Variants in RIMS1 observed in about 807,000 individuals in gnomAD.
The protein encoded by RIMS1 is regulating synaptic membrane exocytosis protein 1.
In RIMS1, 83 loss-of-function variants were observed where a neutral mutation model predicts 214.1. That is an observed-to-expected ratio of 0.39 (90% CI 0.32 to 0.47). The LOEUF is 0.47. Ranked by LOEUF, RIMS1 falls within the 20% of genes least tolerant of loss-of-function variation. The probability of loss-of-function intolerance (pLI) is 0.99; values close to 1 mark genes in which losing one functional copy is unlikely to be tolerated. For synonymous variants in RIMS1, 793 were observed against 786.8 expected (o/e 1.01, Z -0.13); for missense variants, 2,050 against 2,161.8 (o/e 0.95, Z 1.03).
At chr6:72,219,784 T>C (rs1374380927) in intron 6 of RIMS1, among the ~76,000 whole-genome samples, 1 of 151,864 alleles carries the variant, frequency 6.6e-6, no homozygotes, top group Non-Finnish European at 1.5e-5. Context: ...AGGTTCAAAT[T>C]GCAACAACTT....
chr6:72,127,940 A>C (rs1297260740), intron 4 of RIMS1, among the ~76,000 whole-genome samples: 2 of 152,224 alleles, frequency 1.3e-5, no homozygotes, highest in East Asian at 3.8e-4. Flanking sequence ...TCTAGTAAGA[A>C]GACTTGGCAG....
intron 2 of RIMS1, among the ~76,000 whole-genome samples, chr6:71,978,379 C>A (rs1242055381): frequency 1.3e-5 from 2 of 151,886 alleles, no homozygotes; most frequent in East Asian, 1.9e-4. Flanking sequence ...TGAAAGACTG[C>A]TAGATTTTTC....
chr6:72,129,632 A>G (rs1030670983), intron 4 of RIMS1, among the ~76,000 whole-genome samples: 27 of 152,258 alleles, frequency 1.8e-4, no homozygotes, highest in Admixed American at 1.4e-3. Flanking sequence ...AGTAGAACAG[A>G]AAGATCTAGA....
At chr6:71,992,860 C>T (rs1015604391) in intron 2 of RIMS1, among the ~76,000 whole-genome samples, 1 of 152,028 alleles carries the variant, frequency 6.6e-6, no homozygotes, top group African/African-American at 2.4e-5. Flanking sequence ...GGGGTTTCAC[C>T]ATGTTTCCTA....
chr6:72,188,786 G>A (rs1210365005), intron 6 of RIMS1, among the ~76,000 whole-genome samples: 2 of 152,086 alleles, frequency 1.3e-5, no homozygotes, highest in East Asian at 3.9e-4. Context: ...ACAGGGCATG[G>A]TAATACTAAG....
chr6:71,998,392 C>T (rs1489665643), intron 2 of RIMS1, among the ~76,000 whole-genome samples: 1 of 152,054 alleles, frequency 6.6e-6, no homozygotes, highest in East Asian at 1.9e-4. Context: ...TTTCTCGCGC[C>T]TCTTCCTTGT....
At chr6:72,258,683 TAAATA>T (rs1172930550) in intron 17 of RIMS1, among the ~76,000 whole-genome samples, 1 of 152,136 alleles carries the variant, frequency 6.6e-6, no homozygotes, top group Non-Finnish European at 1.5e-5. Flanking sequence ...CTTGGAAACA[TAAATA>T]AAACATATAG....
intron 23 of RIMS1, 48 bp downstream of exon 23, chr6:72,274,480 A>C: frequency 7.1e-7 from 1 of 1,408,298 alleles, no homozygotes; most frequent in Non-Finnish European, 1.0e-6. Flanking sequence ...AGAAGCTTAT[A>C]GGCCACCAAC....
At chr6:71,949,063 A>G (rs954911413) in intron 1 of RIMS1, among the ~76,000 whole-genome samples, 6 of 152,158 alleles carry the variant, frequency 3.9e-5, no homozygotes, top group Non-Finnish European at 7.3e-5. Flanking sequence ...ATTAAAGTAC[A>G]TTTCAAACTC....
At chr6:72,064,700 A>G (rs1828837478) in intron 2 of RIMS1, among the ~76,000 whole-genome samples, 1 of 152,162 alleles carries the variant, frequency 6.6e-6, no homozygotes. Flanking sequence ...TGAAGTTTAA[A>G]AAAAAATGTT....
intron 6 of RIMS1, among the ~76,000 whole-genome samples, chr6:72,185,951 C>T (rs1395488818): frequency 1.3e-5 from 2 of 152,194 alleles, no homozygotes; most frequent in African/African-American, 4.8e-5. Context: ...TCCACTTTTA[C>T]TTAATGACTA....
chr6:71,977,741 A>T (rs535575264), intron 2 of RIMS1, among the ~76,000 whole-genome samples: 13 of 149,450 alleles, frequency 8.7e-5, no homozygotes, highest in African/African-American at 3.1e-4. Flanking sequence ...AATGGTCCTT[A>T]TGTGGAAAAC....
At position 72,367,635 on chromosome 6, in the gene RIMS1, G is replaced by A. The variant is rs2154396966; in HGVS notation, c.4367-22963G>A. On this transcript the variant is annotated intron_variant, in intron 29 of 33. Transcript: ENST00000521978. The stretch of plus-strand genomic sequence containing the variant: ...CTCTGATGTCACAAACAGCCTGGCT[G>A]AAATTGAAAGTGTACAGTTGTCACC... 1.3e-5 allele frequency among the ~76,000 whole-genome samples: 2 copies of A among 152,272 alleles called. 1 individual carries two copies. Among genetic ancestry groups the A allele is most frequent in the South Asian group, 4.1e-4 (2 of 4,828 alleles).
intron 9 of RIMS1, among the ~76,000 whole-genome samples, chr6:72,239,575 G>A (rs1163800305): frequency 2.6e-5 from 4 of 151,968 alleles, no homozygotes; most frequent in Non-Finnish European, 5.9e-5. Context: ...ATAAAACTAC[G>A]GTGCAATCAA....
intron 4 of RIMS1, among the ~76,000 whole-genome samples, chr6:72,168,487 G>A (rs990119754): frequency 6.6e-6 from 1 of 152,120 alleles, no homozygotes; most frequent in African/African-American, 2.4e-5. Flanking sequence ...TTTGGGGTGG[G>A]CTGTCCACAT....
chr6:72,288,399 T>C (rs1040144922), intron 24 of RIMS1, among the ~76,000 whole-genome samples: 2 of 152,212 alleles, frequency 1.3e-5, no homozygotes, highest in Admixed American at 1.3e-4. Flanking sequence ...GTTCTTGGCA[T>C]GAATAGATGA....
chr6:72,024,229 T>G (rs1307988883), intron 2 of RIMS1, among the ~76,000 whole-genome samples: 1 of 152,154 alleles, frequency 6.6e-6, no homozygotes, highest in Non-Finnish European at 1.5e-5. Flanking sequence ...GCTTCTTTGT[T>G]CCTCATTGTA....
intron 29 of RIMS1, among the ~76,000 whole-genome samples, chr6:72,373,787 C>G (rs1331294366): frequency 6.6e-6 from 1 of 152,110 alleles, no homozygotes; most frequent in African/African-American, 2.4e-5. Flanking sequence ...ATTGGTAAAC[C>G]TTAATCCACC....
chr6:71,983,644 C>T (rs182731830), intron 2 of RIMS1, among the ~76,000 whole-genome samples: 141 of 152,266 alleles, frequency 9.3e-4, no homozygotes, highest in Non-Finnish European at 1.7e-3. Flanking sequence ...GAAATGACTA[C>T]TTGCCATCTT....
Sources: gnomAD v4.1 joint callset for allele counts (sites outside exome capture counted in the v4.1 genomes callset) on GRCh38, gnomAD v4.1.1 for gene constraint, MANE v1.5 for transcripts, NCBI Gene and HGNC (gene_info 2026-07-23, HGNC 2026-07-21) for gene names.